C1orf54: variants seen among roughly 807,000 people sequenced by gnomAD.
The protein encoded by C1orf54 is uncharacterized protein C1orf54.
In C1orf54, 12 loss-of-function variants were observed where a neutral mutation model predicts 14.7. The ratio of observed to expected loss-of-function variants is 0.82; its 90% CI spans 0.52 to 1.32. C1orf54 has a LOEUF of 1.32. C1orf54 is among the 40% of genes most tolerant of loss of function. The pLI is 0.00. For missense variants in C1orf54, 163 were observed against 162.2 expected, an observed-to-expected ratio of 1.00 and a Z score of -0.03; for synonymous variants, 65 against 56.3, an observed-to-expected ratio of 1.16 and a Z score of -0.70.
At chr1:150,277,357 G>A (rs970131290) in intron 4 of C1orf54, among the ~76,000 whole-genome samples, 2 of 151,942 alleles carry the variant, frequency 1.3e-5, no homozygotes, top group Non-Finnish European at 2.9e-5. Flanking sequence ...ACAAAAGTTA[G>A]CCAGGCGTGG....
upstream of C1orf54, chr1:150,272,572 G>C: frequency 1.9e-6 from 1 of 530,554 alleles, no homozygotes. Flanking sequence ...AGGGCAGGGG[G>C]AGCTTAAGAA....
upstream of C1orf54, chr1:150,269,701 TC>T (rs1652061986): frequency 6.6e-6 from 1 of 152,128 alleles, no homozygotes; most frequent in Non-Finnish European, 1.5e-5. Context: ...CTATTTATTT[TC>T]TGAAAAATGA....
chr1:150,274,274 G>A, intron 2 of C1orf54, 104 bp downstream of exon 2: 1 of 863,850 alleles, frequency 1.2e-6, no homozygotes, highest in East Asian at 2.5e-5. Context: ...AATGGGGTCA[G>A]AGAAAAATCT....
chr1:150,277,869 G>A (rs1652793429), intron 4 of C1orf54, among the ~76,000 whole-genome samples: 2 of 152,172 alleles, frequency 1.3e-5, no homozygotes. Context: ...AGGCTGAAGT[G>A]AGCTGATCAC....
Position 150,276,548 on chromosome 1 carries a change from A to G in C1orf54, c.216A>G (p.Glu72=). The G allele has an allele frequency of 1.9e-6, 3 of 1,614,160 alleles. No homozygotes were observed. Among genetic ancestry groups the G allele is most frequent in the Non-Finnish European group, 1.7e-6 (2 of 1,180,006 alleles). The change falls in exon 4 of 6, where the codon GAA becomes GAG. Residue 72 remains glutamate, a synonymous_variant. Coordinates refer to ENST00000369099, the MANE Select transcript of C1orf54 (RefSeq NM_024579.4). ...RLNRLDKDIT[E]AIETTISLET... ...ACAGGTTGGATAAGGACATAACAGA[A>G]GCAATAGAGACTACCATTAGTCTTG...
intron 5 of C1orf54, among the ~76,000 whole-genome samples, chr1:150,280,628 T>C (rs924852106): frequency 2.6e-5 from 4 of 152,120 alleles, no homozygotes; most frequent in Admixed American, 6.6e-5. Context: ...TAAATTGGGA[T>C]GCTAAATAAC....
intron 4 of C1orf54, among the ~76,000 whole-genome samples, chr1:150,279,132 A>C (rs1300166975): frequency 6.6e-6 from 1 of 152,212 alleles, no homozygotes; most frequent in Non-Finnish European, 1.5e-5. Context: ...TTAGCCAGGC[A>C]TGGTGGCGGG....
At chr1:150,271,117 T>C (rs1173580303), upstream of C1orf54, among the ~76,000 whole-genome samples, 1 of 151,678 alleles carries the variant, frequency 6.6e-6, no homozygotes, top group African/African-American at 2.4e-5. Flanking sequence ...ACAATTCTCA[T>C]GTCTTTTTTT....
intron 4 of C1orf54, among the ~76,000 whole-genome samples, chr1:150,277,125 C>A (rs1007532435): frequency 2.6e-5 from 4 of 152,090 alleles, no homozygotes; most frequent in African/African-American, 7.2e-5. Flanking sequence ...TTGAGATACA[C>A]CCTGAAGAAT....
chr1:150,272,700 G>A, upstream of C1orf54: 1 of 1,016,470 alleles, frequency 9.8e-7, no homozygotes, highest in Non-Finnish European at 1.5e-6. Flanking sequence ...CCCCCTGGGA[G>A]GAGAAGAGTT....
In C1orf54 at chr1:150,276,652, G is replaced by A. The variant is rs782183092; in HGVS notation, c.300+20G>A. 2 of 1,586,226 alleles carry A rather than the reference G, an allele frequency of 1.3e-6. No homozygotes were observed. On this transcript the variant is annotated intron_variant, in intron 4 of 5. Transcript: ENST00000369099. ...GAACCTGTGAGTTGATTGGGGATTG[G>A]GGGCTGGGGGGAGACAGGACATCCC...
upstream of C1orf54, chr1:150,268,769 G>A: frequency 6.2e-7 from 1 of 1,613,778 alleles, no homozygotes; most frequent in Non-Finnish European, 8.5e-7. Flanking sequence ...AGGCCGGGCC[G>A]AACGCGACGA....
At chr1:150,276,078 G>A (rs587632773) in intron 3 of C1orf54, among the ~76,000 whole-genome samples, 5 of 152,094 alleles carry the variant, frequency 3.3e-5, no homozygotes, top group African/African-American at 9.6e-5. Context: ...GATGGAGGAC[G>A]CAGTGAGCCA....
upstream of C1orf54, chr1:150,272,748 G>A (rs933857123): frequency 3.9e-6 from 6 of 1,529,320 alleles, no homozygotes; most frequent in South Asian, 4.5e-5. Flanking sequence ...AGGAGGGGAG[G>A]CGGGGTAAGT....
intron 4 of C1orf54, 27 bp downstream of exon 4, chr1:150,276,659 G>A: frequency 1.3e-6 from 2 of 1,562,464 alleles, no homozygotes; most frequent in South Asian, 1.1e-5. Flanking sequence ...TTGGGGGCTG[G>A]GGGGAGACAG....
At chr1:150,268,815 G>C (rs757318043), upstream of C1orf54, 2 of 1,610,534 alleles carry the variant, frequency 1.2e-6, no homozygotes, top group Non-Finnish European at 1.7e-6. Flanking sequence ...CCCCATGGCT[G>C]GTCAGGTGGG....
At chr1:150,277,499 TA>T (rs1341094329) in intron 4 of C1orf54, among the ~76,000 whole-genome samples, 106,748 of 107,044 alleles carry the variant, frequency 1, 53,226 homozygotes, top group East Asian at 1. Context: ...TGAGACTCTA[TA>T]CTAAAAAAAA....
rs1553852574 is a variant in C1orf54 at position 150,276,632 on chromosome 1, T to G, written c.300T>G (p.Pro100=). Residue 100 remains proline (P), a splice_region_variant and synonymous_variant, in exon 4 of 6, where the codon CCT becomes CCG. Transcript: ENST00000369099. The part of the protein sequence containing the change: ...PVTVKPVTTE[P]SPDLNDAVSS... ...CTGTGAAACCAGTAACAACGGAACC[T>G]GTGAGTTGATTGGGGATTGGGGGCT... is the stretch of plus-strand genomic sequence containing the variant. The G allele has an allele frequency of 6.2e-7, 1 of 1,611,788 alleles. No individual in the cohort carries two copies. The highest frequency in any genetic ancestry group is 8.5e-7 in the Non-Finnish European group (1 of 1,178,032).
chr1:150,273,641 G>A (rs1208640116), intron 1 of C1orf54, among the ~76,000 whole-genome samples: 1 of 152,184 alleles, frequency 6.6e-6, no homozygotes, highest in East Asian at 1.9e-4. Context: ...TGGAACTAAA[G>A]CTCAAATCCA....
Sources: allele counts gnomAD v4.1 joint callset (sites outside exome capture counted in the v4.1 genomes callset), GRCh38; gene constraint gnomAD v4.1.1; transcripts MANE v1.5; gene names NCBI Gene and HGNC (gene_info 2026-07-23, HGNC 2026-07-21).